Variants in ZEB1 observed in about 807,000 individuals in gnomAD.
The protein encoded by ZEB1 is zinc finger E-box-binding homeobox 1.
Under a neutral mutation model 84.9 loss-of-function variants are expected in ZEB1, and 21 were observed. That is an observed-to-expected ratio of 0.25 (90% CI 0.18 to 0.36). ZEB1 has a LOEUF of 0.36. Ranked by LOEUF, ZEB1 falls within the 10% of genes least tolerant of loss-of-function variation. The pLI is 1.00. For missense variants in ZEB1, 1,104 were observed against 1,330.2 expected, an observed-to-expected ratio of 0.83 and a Z score of 2.65; for synonymous variants, 420 against 471.1, an observed-to-expected ratio of 0.89 and a Z score of 1.41.
intron 2 of ZEB1, among the ~76,000 whole-genome samples, chr10:31,491,448 T>G (rs2066508143): frequency 6.6e-6 from 1 of 151,878 alleles, no homozygotes; most frequent in African/African-American, 2.4e-5. Context: ...CTTTGAGACT[T>G]TTCCTGCTCC....
chr10:31,461,843 T>A (rs1339967813), intron 2 of ZEB1, among the ~76,000 whole-genome samples: 11 of 152,184 alleles, frequency 7.2e-5, no homozygotes, highest in Non-Finnish European at 1.3e-4. Flanking sequence ...AAATTGGACC[T>A]AGTCTTTTAT....
rs780789057 is a variant in ZEB1 at position 31,527,206 on chromosome 10, G to T, written c.3320G>T (p.Gly1107Val). 4.3e-6 allele frequency: 7 copies of T among 1,611,502 alleles called. No homozygotes were observed. Among genetic ancestry groups the T allele is most frequent in the Non-Finnish European group, 5.9e-6 (7 of 1,178,960 alleles). Residue 1107 changes from glycine to valine, a missense_variant, in exon 9 of 9, where the codon GGA becomes GTA. Gly to Val is a moderately radical substitution (Grantham distance 109, BLOSUM62 -3). Transcript: ENST00000424869. ...DRAESQASSL[G>V]QKVGESSEQV... The stretch of plus-strand genomic sequence containing the variant: ...GCTGAAAGTCAAGCAAGCAGCTTAG[G>T]ACAAAAAGTAGGCGAGAGTAGTGAG...
In ZEB1 at chr10:31,337,670, A is replaced by ATAATTTCTT. The variant is rs1258312979; in HGVS notation, c.58+18380_58+18388dup. Among the ~76,000 whole-genome samples, 753 of 147,190 alleles carry ATAATTTCTT rather than the reference A, an allele frequency of 5.1e-3. 10 individuals carry two copies. The highest frequency in any genetic ancestry group is 0.018 in the African/African-American group (723 of 39,660). On this transcript the variant is annotated intron_variant, in intron 1 of 8. Transcript: ENST00000424869. ...TATTTAATATAGCAGATAAAGCTTA[A>ATAATTTCTT]TAATTTCTTTCTGTTTTTTTTTTTT... is the stretch of plus-strand genomic sequence containing the variant.
rs112240232 is a variant in ZEB1 at position 31,497,183 on chromosome 10, T to G, written c.322+1345T>G. ...TAAACATAAGAGTACACTATTTACT[T>G]TTACCTAGAATCGTTAAACTTTGAT... On this transcript the variant is annotated intron_variant, in intron 3 of 8. Transcript: ENST00000424869. 9.3e-4 allele frequency among the ~76,000 whole-genome samples: 142 copies of G among 152,234 alleles called. 3 individuals carry two copies. The highest frequency in any genetic ancestry group is 3.2e-3 in the African/African-American group (135 of 41,564).
chr10:31,443,251 T>C (rs1485400349), intron 1 of ZEB1, among the ~76,000 whole-genome samples: 1 of 152,210 alleles, frequency 6.6e-6, no homozygotes, highest in East Asian at 1.9e-4. Flanking sequence ...CTCTGTAAAA[T>C]AAAGATGTCA....
intron 1 of ZEB1, among the ~76,000 whole-genome samples, chr10:31,378,538 A>C (rs2047080775): frequency 6.6e-6 from 1 of 151,632 alleles, no homozygotes; most frequent in African/African-American, 2.4e-5. Flanking sequence ...GAAAAGATAC[A>C]ATTATGTAAT....
chr10:31,492,803 A>G (rs1404521352), intron 2 of ZEB1, among the ~76,000 whole-genome samples: 1 of 151,888 alleles, frequency 6.6e-6, no homozygotes, highest in Non-Finnish European at 1.5e-5. Context: ...TTTTTATTAG[A>G]ATGAATCACA....
chr10:31,455,958 G>A (rs994245774), intron 1 of ZEB1, among the ~76,000 whole-genome samples: 14 of 152,214 alleles, frequency 9.2e-5, no homozygotes, highest in Admixed American at 7.8e-4. Flanking sequence ...ACATGCACAC[G>A]TATGTTTATT....
intron 1 of ZEB1, among the ~76,000 whole-genome samples, chr10:31,393,771 A>T (rs991629583): frequency 6.6e-6 from 1 of 152,198 alleles, no homozygotes; most frequent in Admixed American, 6.5e-5. Flanking sequence ...ATTAAAAGTG[A>T]CTTCTCCCTG....
At chr10:31,318,974 C>T, upstream of ZEB1, 1 of 551,144 alleles carries the variant, frequency 1.8e-6, no homozygotes, top group South Asian at 1.9e-5. Context: ...CTCCCCACCA[C>T]ACCTGAGGAA....
chr10:31,510,684 G>C lies in ZEB1; in HGVS notation c.496G>C (p.Ala166Pro), dbSNP rs1334391538. ...TCTTTCTTTTACAGGAACACCAGAT[G>C]CATTTTCACAATTACTCACCTGTCC... ...SGHDENGTPDAFSQLLTCPYC... is the reference protein window; with the variant it reads ...SGHDENGTPDPFSQLLTCPYC... Residue 166 changes from alanine to proline, a missense_variant, in exon 5 of 9, where the codon GCA (alanine) becomes CCA (proline). Physicochemically the swap from Ala to Pro is conservative, Grantham distance 27. Transcript: ENST00000424869. 1.2e-6 allele frequency: 2 copies of C among 1,613,160 alleles called. No individual in the cohort carries two copies. Among genetic ancestry groups the C allele is most frequent in the Non-Finnish European group, 1.7e-6 (2 of 1,179,340 alleles).
intron 3 of ZEB1, among the ~76,000 whole-genome samples, chr10:31,498,374 G>T (rs1184034386): frequency 6.6e-6 from 1 of 151,918 alleles, no homozygotes; most frequent in Non-Finnish European, 1.5e-5. Context: ...TTCTCTCTGT[G>T]ATCTCAGAAG....
At chr10:31,361,833 G>C (rs1365368795) in intron 1 of ZEB1, among the ~76,000 whole-genome samples, 9 of 144,514 alleles carry the variant, frequency 6.2e-5, no homozygotes, top group African/African-American at 7.7e-5. Context: ...TCATTTCCCA[G>C]ACGGTGAGGA....
chr10:31,374,114 G>A (rs929984993), intron 1 of ZEB1, among the ~76,000 whole-genome samples: 1 of 151,746 alleles, frequency 6.6e-6, no homozygotes, highest in Non-Finnish European at 1.5e-5. Context: ...TGATAACAAG[G>A]TAATGGCTGA....
At chr10:31,321,614 T>A (rs975876425) in intron 1 of ZEB1, 15 of 1,604,566 alleles carry the variant, frequency 9.3e-6, no homozygotes, top group Non-Finnish European at 1.3e-5. Context: ...TTCTTGTTGC[T>A]GACGACATGT....
chr10:31,454,425 C>A (rs1205039278), intron 1 of ZEB1, among the ~76,000 whole-genome samples: 1 of 151,936 alleles, frequency 6.6e-6, no homozygotes, highest in African/African-American at 2.4e-5. Flanking sequence ...AGAGACTTGG[C>A]ATGCAAGAGA....
chr10:31,446,360 C>A (rs952190627), intron 1 of ZEB1, among the ~76,000 whole-genome samples: 1 of 152,024 alleles, frequency 6.6e-6, no homozygotes, highest in Non-Finnish European at 1.5e-5. Flanking sequence ...TTTCAAAAAA[C>A]CAGCTCCTGG....
chr10:31,426,657 G>A (rs756741366), intron 1 of ZEB1, among the ~76,000 whole-genome samples: 5 of 152,166 alleles, frequency 3.3e-5, no homozygotes, highest in Non-Finnish European at 7.4e-5. Flanking sequence ...TAATTGGATG[G>A]ATGCCTGGAA....
intron 1 of ZEB1, among the ~76,000 whole-genome samples, chr10:31,429,219 A>G (rs554524918): frequency 6.6e-6 from 1 of 152,220 alleles, no homozygotes; most frequent in East Asian, 1.9e-4. Flanking sequence ...TCCTTTCCCT[A>G]TTTAATGTTT....
Sources: allele counts gnomAD v4.1 joint callset (sites outside exome capture counted in the v4.1 genomes callset), GRCh38; gene constraint gnomAD v4.1.1; transcripts MANE v1.5; gene names NCBI Gene and HGNC (gene_info 2026-07-23, HGNC 2026-07-21).